The following DPYD variants were observed in gnomAD, a reference collection of about 807,000 sequenced individuals.
DPYD encodes dihydropyrimidine dehydrogenase [NADP(+)].
A neutral mutation model predicts 116.2 loss-of-function variants in DPYD; 109 were observed. The observed-to-expected ratio is 0.94, with a 90% CI of 0.80 to 1.10. DPYD has a LOEUF of 1.10. DPYD is among the 50% of genes least tolerant of loss of function. The probability of loss-of-function intolerance (pLI) is 0.00; values close to 1 mark genes in which losing one functional copy is unlikely to be tolerated. For missense variants in DPYD, 1,302 were observed against 1,254.5 expected (o/e 1.04, Z -0.57); for synonymous variants, 440 against 432.0 (o/e 1.02, Z -0.23).
At chr1:97,173,283 C>CATATGTACATAT (rs760885091) in intron 20 of DPYD, among the ~76,000 whole-genome samples, 1 of 120,340 alleles carries the variant, frequency 8.3e-6, no homozygotes, top group African/African-American at 2.8e-5. Flanking sequence ...TATATGCACA[C>CATATGTACATAT]ATATATGTAC....
At chr1:97,436,258 G>A (rs1675466321) in intron 14 of DPYD, among the ~76,000 whole-genome samples, 1 of 151,954 alleles carries the variant, frequency 6.6e-6, no homozygotes, top group South Asian at 2.1e-4. Flanking sequence ...ATCGCAACAC[G>A]AATTGTTATG....
At chr1:97,891,770 G>A (rs1453250675) in intron 1 of DPYD, among the ~76,000 whole-genome samples, 1 of 151,840 alleles carries the variant, frequency 6.6e-6, no homozygotes, top group African/African-American at 2.4e-5. Context: ...GAAGCTACTT[G>A]ACCAACATGT....
At chr1:97,109,510 A>T (rs905734309) in intron 20 of DPYD, among the ~76,000 whole-genome samples, 9 of 152,168 alleles carry the variant, frequency 5.9e-5, no homozygotes, top group Non-Finnish European at 8.8e-5. Flanking sequence ...AAAGGAAAAC[A>T]GAAAAATGAG....
Position 97,186,870 on chromosome 1 carries a change from T to G in DPYD, c.2622+6199A>C, listed in dbSNP as rs572978585. 5.3e-5 allele frequency among the ~76,000 whole-genome samples: 8 copies of G among 151,908 alleles called. No homozygotes were observed. In the South Asian group the frequency reaches 1.7e-3, roughly 32 times the overall value. Reference sequence around the variant, plus strand: ...CTCAAATAAATAAATAAAAATAAATTAAAAAAATAAAAAAGAAAATGGCTT... The same window carrying G: ...CTCAAATAAATAAATAAAAATAAATGAAAAAAATAAAAAAGAAAATGGCTT... On this transcript the variant is annotated intron_variant, in intron 20 of 22. Transcript: ENST00000370192.
intron 11 of DPYD, among the ~76,000 whole-genome samples, chr1:97,557,312 T>TC (rs1244941159): frequency 2.2e-3 from 305 of 138,482 alleles, no homozygotes; most frequent in African/African-American, 8.0e-3. Flanking sequence ...TCTTTTCTTT[T>TC]TTTTTTTTTT....
chr1:97,786,331 C>T (rs1667025231), intron 3 of DPYD, among the ~76,000 whole-genome samples: 1 of 152,072 alleles, frequency 6.6e-6, no homozygotes, highest in Non-Finnish European at 1.5e-5. Context: ...CAGATGAAAA[C>T]AAGTGTGATA....
chr1:97,089,300 A>G (rs1649734033), intron 21 of DPYD, among the ~76,000 whole-genome samples: 2 of 152,188 alleles, frequency 1.3e-5, no homozygotes. Context: ...GGACTTTATA[A>G]GTCTTGGCAG....
chr1:97,637,415 C>A (rs1457198437), intron 8 of DPYD, among the ~76,000 whole-genome samples: 4 of 151,864 alleles, frequency 2.6e-5, no homozygotes, highest in African/African-American at 9.7e-5. Context: ...ATGAATAAAC[C>A]TTTTTTCCTT....
At chr1:97,530,714 T>G (rs963484339) in intron 12 of DPYD, among the ~76,000 whole-genome samples, 1 of 152,232 alleles carries the variant, frequency 6.6e-6, no homozygotes, top group East Asian at 1.9e-4. Context: ...CTGTTTTCTA[T>G]AGCAGTTTCA....
intron 19 of DPYD, among the ~76,000 whole-genome samples, chr1:97,195,652 A>G (rs373959038): frequency 0.025 from 410 of 16,398 alleles, 25 homozygotes; most frequent in South Asian, 0.12. Flanking sequence ...ATATATATAT[A>G]TATATATATA....
intron 1 of DPYD, among the ~76,000 whole-genome samples, chr1:97,900,142 T>G (rs1227862682): frequency 6.6e-6 from 1 of 151,920 alleles, no homozygotes; most frequent in Non-Finnish European, 1.5e-5. Context: ...ATACCTTGTT[T>G]TTCCTGTTCT....
chr1:97,691,922 TTA>T (rs1358888896), intron 6 of DPYD, 124 bp from the exon 7 acceptor site: 2 of 755,178 alleles, frequency 2.6e-6, no homozygotes, highest in Non-Finnish European at 4.6e-6. Context: ...CCAAGGATAT[TTA>T]TATATCACAC....
chr1:97,149,440 A>G (rs1336805228), intron 20 of DPYD, among the ~76,000 whole-genome samples: 2 of 152,070 alleles, frequency 1.3e-5, no homozygotes, highest in African/African-American at 4.8e-5. Context: ...TTTAGTAGAG[A>G]CAGGGTTTCA....
At chr1:97,894,083 C>T (rs1672923410) in intron 1 of DPYD, among the ~76,000 whole-genome samples, 1 of 151,718 alleles carries the variant, frequency 6.6e-6, no homozygotes, top group African/African-American at 2.4e-5. Context: ...TTATTTCTCA[C>T]AGTTAGAGAG....
intron 1 of DPYD, among the ~76,000 whole-genome samples, chr1:97,901,753 T>C (rs1211765687): frequency 2.0e-5 from 3 of 151,750 alleles, no homozygotes; most frequent in Non-Finnish European, 4.4e-5. Flanking sequence ...ATACAGCATG[T>C]CTCCAGTGCC....
In DPYD at chr1:97,788,066, G is replaced by A. The variant is rs542983540; in HGVS notation, c.233+40048C>T. Among the ~76,000 whole-genome samples, 17 of 152,254 alleles carry A rather than the reference G, an allele frequency of 1.1e-4. No homozygotes were observed. The East Asian group carries it at 1.2e-3, about 10-fold the overall frequency. On this transcript the variant is annotated intron_variant, in intron 3 of 22. Coordinates refer to ENST00000370192, the MANE Select transcript of DPYD (RefSeq NM_000110.4). The stretch of plus-strand genomic sequence containing the variant: ...TAAACCCTCCCATCCCTGTATGTCC[G>A]TGATATTTATCCCATGAAGATATAT...
intron 20 of DPYD, among the ~76,000 whole-genome samples, chr1:97,186,732 C>A (rs1658016467): frequency 6.6e-6 from 1 of 152,084 alleles, no homozygotes; most frequent in Non-Finnish European, 1.5e-5. Context: ...GCCTGTAATC[C>A]CAGCTACTGG....
At chr1:97,126,851 C>A (rs1042135428) in intron 20 of DPYD, among the ~76,000 whole-genome samples, 1 of 152,190 alleles carries the variant, frequency 6.6e-6, no homozygotes, top group African/African-American at 2.4e-5. Context: ...TCCCTGGGAA[C>A]AGCATCTTGA....
chr1:97,104,146 G>A (rs2101609150), intron 20 of DPYD, among the ~76,000 whole-genome samples: 1 of 152,192 alleles, frequency 6.6e-6, no homozygotes, highest in South Asian at 2.1e-4. Flanking sequence ...CCCAGCTTGA[G>A]ATCCTAGACA....
Sources: allele counts gnomAD v4.1 joint callset (sites outside exome capture counted in the v4.1 genomes callset), GRCh38; gene constraint gnomAD v4.1.1; transcripts MANE v1.5; gene names NCBI Gene and HGNC (gene_info 2026-07-23, HGNC 2026-07-21).